TMEM132B: variants seen among roughly 807,000 people sequenced by gnomAD.
The protein encoded by TMEM132B is transmembrane protein 132B.
A neutral mutation model predicts 90.8 loss-of-function variants in TMEM132B; 18 were observed. That is an observed-to-expected ratio of 0.20 (90% confidence interval 0.14 to 0.29). TMEM132B has a LOEUF of 0.29. Ranked by LOEUF, TMEM132B falls within the 10% of genes least tolerant of loss-of-function variation. The probability of loss-of-function intolerance (pLI) is 1.00; values close to 1 mark genes in which losing one functional copy is unlikely to be tolerated. For missense variants in TMEM132B, 1,096 were observed against 1,326.8 expected (o/e 0.83, Z 2.70); for synonymous variants, 504 against 523.3 (o/e 0.96, Z 0.50).
chr12:125,524,313 G>T (rs986836489), intron 4 of TMEM132B, among the ~76,000 whole-genome samples: 3 of 152,240 alleles, frequency 2.0e-5, no homozygotes, highest in Admixed American at 6.5e-5. Context: ...TTCAGCTGGC[G>T]TGTGGGATTA....
intron 5 of TMEM132B, among the ~76,000 whole-genome samples, chr12:125,642,852 G>A (rs1416757477): frequency 6.6e-6 from 1 of 152,160 alleles, no homozygotes; most frequent in Non-Finnish European, 1.5e-5. Context: ...TTTCTCCTTG[G>A]TTTCCATGTC....
In TMEM132B at chr12:125,196,473, C is replaced by T. The variant is rs562763553; in HGVS notation, c.67+9607C>T. Among the ~76,000 whole-genome samples, 578 of 152,250 alleles carry T rather than the reference C, an allele frequency of 3.8e-3. 5 individuals carry two copies. Among genetic ancestry groups the T allele is most frequent in the African/African-American group, 0.013 (540 of 41,518 alleles). On this transcript the variant is annotated intron_variant, in intron 1 of 8. Coordinates refer to ENST00000682704, the MANE Select transcript of TMEM132B (RefSeq NM_001366854.1). ...CTGTAATCCCAGCACTTTGGGAGGC[C>T]GAGGTGGGTGGATCACATTAGGCCA... is the stretch of plus-strand genomic sequence containing the variant.
At chr12:125,527,712 C>A (rs141786430) in intron 4 of TMEM132B, among the ~76,000 whole-genome samples, 7,932 of 151,514 alleles carry the variant, frequency 0.052, 608 homozygotes, top group African/African-American at 0.17. Flanking sequence ...TTCCATCCAC[C>A]CATCCACCCT....
chr12:125,374,432 GT>G (rs11394719), intron 2 of TMEM132B, among the ~76,000 whole-genome samples: 4 of 151,016 alleles, frequency 2.6e-5, no homozygotes, highest in African/African-American at 9.8e-5. Context: ...CCACAAACAT[GT>G]TTTTTTTTGT....
chr12:125,318,618 T>C (rs1415227342), intron 1 of TMEM132B, among the ~76,000 whole-genome samples: 2 of 152,064 alleles, frequency 1.3e-5, no homozygotes, highest in Admixed American at 1.3e-4. Context: ...ACATGAAGTG[T>C]TTGGTTTTCT....
intron 3 of TMEM132B, among the ~76,000 whole-genome samples, chr12:125,431,399 C>G (rs998060442): frequency 2.6e-5 from 4 of 152,112 alleles, no homozygotes; most frequent in African/African-American, 9.7e-5. Context: ...CTGGCTAACT[C>G]TACTTCGGTG....
At chr12:125,365,606 C>G (rs1427901706) in intron 2 of TMEM132B, among the ~76,000 whole-genome samples, 1 of 151,942 alleles carries the variant, frequency 6.6e-6, no homozygotes. Context: ...GCAATAAATT[C>G]CTTTAGTCTC....
At position 125,661,511 on chromosome 12, in the gene TMEM132B, C is replaced by T. The variant is rs1887204942; in HGVS notation, c.*6801C>T. Reference sequence around the variant, plus strand: ...GAATTACCCCAGAGCCACCAGTTCACATGCCCAAAGATGAACTGGCCCATG... The same window carrying T: ...GAATTACCCCAGAGCCACCAGTTCATATGCCCAAAGATGAACTGGCCCATG... On this transcript the variant is annotated 3_prime_UTR_variant, in exon 9 of 9. Transcript: ENST00000682704. 6.6e-6 allele frequency: 1 copy of T among 152,240 alleles called. No individual in the cohort carries two copies. Among genetic ancestry groups the T allele is most frequent in the Admixed American group, 6.5e-5 (1 of 15,280 alleles). 9.4% of individuals were successfully genotyped at this position (152,240 alleles called of 1,614,324 possible). A position where few individuals can be genotyped will look rare whatever the true frequency, so the allele number is the denominator to read the frequency against.
At chr12:125,199,650 G>A (rs1873009363) in intron 1 of TMEM132B, among the ~76,000 whole-genome samples, 2 of 152,172 alleles carry the variant, frequency 1.3e-5, no homozygotes, top group Non-Finnish European at 1.5e-5. Context: ...TTGAAGTTAT[G>A]TAGCCCAGGA....
chr12:125,238,721 T>C (rs1373443306), intron 1 of TMEM132B, among the ~76,000 whole-genome samples: 1 of 151,658 alleles, frequency 6.6e-6, no homozygotes. Flanking sequence ...TTCACCCACA[T>C]GGGACGTTTT....
At chr12:125,212,600 A>G (rs111954705) in intron 1 of TMEM132B, among the ~76,000 whole-genome samples, 3,548 of 152,250 alleles carry the variant, frequency 0.023, 147 homozygotes, top group African/African-American at 0.082. Flanking sequence ...AGGCTGAGGC[A>G]GGAGAATCAC....
chr12:125,486,905 T>C (rs1882218834), intron 3 of TMEM132B, among the ~76,000 whole-genome samples: 1 of 152,232 alleles, frequency 6.6e-6, no homozygotes, highest in Admixed American at 6.5e-5. Context: ...GAGTGGGAAC[T>C]GAACAGTCTG....
intron 5 of TMEM132B, among the ~76,000 whole-genome samples, chr12:125,617,867 C>G (rs1886028315): frequency 6.6e-6 from 1 of 151,720 alleles, no homozygotes; most frequent in Non-Finnish European, 1.5e-5. Context: ...AGCTCTTTAT[C>G]TGATTCTTTC....
chr12:125,220,755 C>T (rs576997492), intron 1 of TMEM132B, among the ~76,000 whole-genome samples: 4 of 152,310 alleles, frequency 2.6e-5, no homozygotes, highest in Non-Finnish European at 4.4e-5. Context: ...TTTCCCAGAT[C>T]GTAGGAGCGT....
intron 1 of TMEM132B, among the ~76,000 whole-genome samples, chr12:125,194,550 T>C (rs1393517532): frequency 4.6e-5 from 7 of 152,330 alleles, no homozygotes; most frequent in Admixed American, 3.9e-4. Flanking sequence ...TCCCGGAGTC[T>C]GCGGCTCTTT....
chr12:125,389,915 G>C (rs1310596706), intron 2 of TMEM132B, among the ~76,000 whole-genome samples: 1 of 152,208 alleles, frequency 6.6e-6, no homozygotes, highest in East Asian at 1.9e-4. Flanking sequence ...CCCACAGACA[G>C]TAAATGCACA....
intron 1 of TMEM132B, among the ~76,000 whole-genome samples, chr12:125,316,618 C>CTTTTTTTTTTTTTTTTTTTACAGGAT (rs1555239077): frequency 6.6e-6 from 1 of 150,858 alleles, no homozygotes; most frequent in Non-Finnish European, 1.5e-5. Flanking sequence ...AGATGATTTT[C>CTTTTTTTTTTTTTTTTTTTACAGGAT]AGCTGAGGTC....
At chr12:125,394,842 C>T (rs934916449) in intron 2 of TMEM132B, among the ~76,000 whole-genome samples, 2 of 151,932 alleles carry the variant, frequency 1.3e-5, no homozygotes, top group African/African-American at 4.8e-5. Context: ...TACAGTGGGT[C>T]ACATGGATGT....
At chr12:125,358,151 G>A (rs976406290) in intron 2 of TMEM132B, among the ~76,000 whole-genome samples, 2 of 152,062 alleles carry the variant, frequency 1.3e-5, no homozygotes, top group African/African-American at 4.8e-5. Flanking sequence ...CTCTATGGGG[G>A]GGAGACAGCA....
Sources: allele counts gnomAD v4.1 joint callset (sites outside exome capture counted in the v4.1 genomes callset), GRCh38; gene constraint gnomAD v4.1.1; transcripts MANE v1.5; gene names NCBI Gene and HGNC (gene_info 2026-07-23, HGNC 2026-07-21).